The following ZBTB20 variants were observed in gnomAD, a reference collection of about 807,000 sequenced individuals.
ZBTB20 encodes the protein zinc finger and BTB domain containing 20, also known as zinc finger and BTB domain-containing protein 20.
Under a neutral mutation model 56.9 loss-of-function variants are expected in ZBTB20, and 9 were observed. That is an observed-to-expected ratio of 0.16 (90% CI 0.10 to 0.28). ZBTB20 has a LOEUF of 0.28. Among genes scored for constraint, ZBTB20 ranks in the 10% least tolerant of loss-of-function variants. ZBTB20 has a pLI of 1.00. For missense variants in ZBTB20, 655 were observed against 1,003.0 expected, an observed-to-expected ratio of 0.65 and a Z score of 4.69; for synonymous variants, 417 against 420.7, an observed-to-expected ratio of 0.99 and a Z score of 0.11.
At chr3:114,375,788 C>T (rs2083551454) in intron 10 of ZBTB20, 1 of 152,182 alleles carries the variant, frequency 6.6e-6, no homozygotes, top group African/African-American at 2.4e-5. Context: ...TGTTTTCCCC[C>T]TACAGCTTTA....
chr3:114,546,274 C>A (rs576339459), intron 6 of ZBTB20, among the ~76,000 whole-genome samples: 14 of 152,312 alleles, frequency 9.2e-5, no homozygotes, highest in African/African-American at 3.4e-4. Context: ...CAAATGTGCT[C>A]ATTTAAGGAT....
At chr3:114,400,505 A>G (rs887069984) in intron 7 of ZBTB20, among the ~76,000 whole-genome samples, 1 of 152,176 alleles carries the variant, frequency 6.6e-6, no homozygotes, top group Non-Finnish European at 1.5e-5. Flanking sequence ...ATAATAAAGC[A>G]CTGGCAGCAG....
chr3:114,996,480 A>C (rs887764821), intron 2 of ZBTB20, among the ~76,000 whole-genome samples: 7 of 151,600 alleles, frequency 4.6e-5, no homozygotes, highest in African/African-American at 1.7e-4. Context: ...TTCTTGTGTT[A>C]GTTTGCTGAG....
rs2079384045 is a variant in ZBTB20, at chr3:114,334,556, C to T, written c.*4449G>A. On this transcript the variant is annotated 3_prime_UTR_variant, in exon 12 of 12. Coordinates refer to ENST00000675478, the MANE Select transcript of ZBTB20 (RefSeq NM_001348800.3). The stretch of plus-strand genomic sequence containing the variant: ...AAACTTTTTTCATTATCAGAATTCA[C>T]AAATTCTTACTGTTCATGGGTTGAA... 1 of 152,178 alleles carries T rather than the reference C, an allele frequency of 6.6e-6. No individual in the cohort carries two copies. The highest frequency in any genetic ancestry group is 1.5e-5 in the Non-Finnish European group (1 of 68,040). The allele number at this position is 152,178 out of a possible 1,614,324, so 9.4% of individuals were successfully genotyped here.
chr3:114,900,512 T>TATATACACACACACACAC (rs549497546), intron 3 of ZBTB20, 170 bp from the exon 4 acceptor site: 1 of 145,642 alleles, frequency 6.9e-6, no homozygotes. Context: ...TGAAAATATA[T>TATATACACACACACACAC]ACACACACAC....
intron 4 of ZBTB20, among the ~76,000 whole-genome samples, chr3:114,855,674 C>T (rs2075218468): frequency 6.6e-6 from 1 of 152,108 alleles, no homozygotes; most frequent in Non-Finnish European, 1.5e-5. Flanking sequence ...AAAAGGAAAG[C>T]TACTACCTCT....
chr3:114,867,650 G>C (rs1410256709), intron 4 of ZBTB20, among the ~76,000 whole-genome samples: 2 of 152,102 alleles, frequency 1.3e-5, no homozygotes, highest in African/African-American at 4.8e-5. Flanking sequence ...GGCCAGGCTG[G>C]TCTCAAACTC....
chr3:115,024,013 T>C (rs2080312790), intron 2 of ZBTB20, among the ~76,000 whole-genome samples: 1 of 151,142 alleles, frequency 6.6e-6, no homozygotes. Context: ...TTGATATCTA[T>C]ATCTCATTTC....
chr3:114,985,612 T>C (rs559462450), intron 2 of ZBTB20, among the ~76,000 whole-genome samples: 159 of 152,186 alleles, frequency 1.0e-3, no homozygotes, highest in Middle Eastern at 3.4e-3. Flanking sequence ...TGAAAGTAGT[T>C]ACAACGACAC....
At chr3:114,655,165 C>G (rs1018644347) in intron 6 of ZBTB20, among the ~76,000 whole-genome samples, 5 of 150,470 alleles carry the variant, frequency 3.3e-5, no homozygotes, top group African/African-American at 4.9e-5. Flanking sequence ...AAGTTTAGGT[C>G]TACCATTTAT....
chr3:114,582,509 C>G (rs966418830), intron 6 of ZBTB20, among the ~76,000 whole-genome samples: 4 of 151,912 alleles, frequency 2.6e-5, no homozygotes, highest in Non-Finnish European at 5.9e-5. Flanking sequence ...CTCAGCCTCC[C>G]GAGTAGCTTA....
At chr3:114,382,618 T>C (rs143391428) in intron 8 of ZBTB20, among the ~76,000 whole-genome samples, 1 of 152,330 alleles carries the variant, frequency 6.6e-6, no homozygotes, top group Non-Finnish European at 1.5e-5. Flanking sequence ...CAGGTAGGAC[T>C]TCACTCCCCA....
intron 3 of ZBTB20, among the ~76,000 whole-genome samples, chr3:114,905,128 A>G (rs1186113063): frequency 6.6e-6 from 1 of 151,958 alleles, no homozygotes; most frequent in East Asian, 1.9e-4. Flanking sequence ...CACACTTCAC[A>G]GCATATTCTA....
intron 3 of ZBTB20, among the ~76,000 whole-genome samples, chr3:114,953,744 G>GA (rs1238913718): frequency 6.6e-6 from 1 of 151,848 alleles, no homozygotes; most frequent in Admixed American, 6.6e-5. Context: ...AGGTGAAATG[G>GA]AAAAATCTAC....
chr3:114,558,708 C>T (rs1180284175), intron 6 of ZBTB20, among the ~76,000 whole-genome samples: 1 of 152,094 alleles, frequency 6.6e-6, no homozygotes, highest in Non-Finnish European at 1.5e-5. Context: ...ACATTAGATT[C>T]TACTACAAAA....
chr3:114,685,895 T>C (rs2062308908), intron 6 of ZBTB20, among the ~76,000 whole-genome samples: 1 of 152,132 alleles, frequency 6.6e-6, no homozygotes, highest in African/African-American at 2.4e-5. Context: ...CACCAACCTG[T>C]TTTTTTAAGG....
intron 5 of ZBTB20, among the ~76,000 whole-genome samples, chr3:114,705,241 G>A (rs1349231756): frequency 6.6e-6 from 1 of 151,956 alleles, no homozygotes; most frequent in African/African-American, 2.4e-5. Flanking sequence ...TATTTGATCT[G>A]TTTCAGAACA....
intron 6 of ZBTB20, among the ~76,000 whole-genome samples, chr3:114,530,007 G>A (rs1225384588): frequency 6.6e-6 from 1 of 152,164 alleles, no homozygotes; most frequent in African/African-American, 2.4e-5. Context: ...ATCTGACTGT[G>A]GTCCTGCAAG....
At position 114,319,766 on chromosome 3, in the gene ZBTB20, G is replaced by C. The variant is rs1302697533; in HGVS notation, c.*19239C>G. 6.6e-6 allele frequency: 1 copy of C among 151,944 alleles called. No homozygotes were observed. The highest frequency in any genetic ancestry group is 2.4e-5 in the African/African-American group (1 of 41,344). 9.4% of individuals were successfully genotyped at this position (151,944 alleles called of 1,614,324 possible). ...AGAGGACTGAAGCGTGTCCATGTGT[G>C]TACTGTACACATACATCTTGAAAAA... On this transcript the variant is annotated 3_prime_UTR_variant, in exon 12 of 12. Transcript: ENST00000675478.
Sources: allele counts gnomAD v4.1 joint callset (sites outside exome capture counted in the v4.1 genomes callset), GRCh38; gene constraint gnomAD v4.1.1; transcripts MANE v1.5; gene names NCBI Gene and HGNC (gene_info 2026-07-23, HGNC 2026-07-21).